Variants in CELA2B observed in about 807,000 individuals in gnomAD.
The protein encoded by CELA2B is chymotrypsin-like elastase family member 2B.
CELA2B carries 27 observed loss-of-function variants against 36.5 expected under a neutral mutation model. The ratio of observed to expected loss-of-function variants is 0.74; its 90% CI spans 0.55 to 1.02. The LOEUF (loss-of-function observed/expected upper bound fraction) is 1.02, where lower values mean the gene tolerates loss of function less well. Ranked by LOEUF, CELA2B falls within the 50% of genes least tolerant of loss-of-function variation. The pLI is 0.00. For synonymous variants in CELA2B, 143 were observed against 148.5 expected, an observed-to-expected ratio of 0.96 and a Z score of 0.27; for missense variants, 340 against 347.8, an observed-to-expected ratio of 0.98 and a Z score of 0.18.
rs755214764 is a variant in CELA2B, at chr1:15,487,305, G to T, written c.660G>T (p.Leu220=). 22 of 1,614,200 alleles carry T rather than the reference G, an allele frequency of 1.4e-5. No individual in the cohort carries two copies. In the South Asian group the frequency reaches 2.3e-4, roughly 17 times the overall value. The change falls in exon 7 of 8, where the codon CTG becomes CTT. Residue 220 remains leucine (L), a synonymous_variant. Transcript: ENST00000375910. ...CTCAGGGAGACTCCGGTGGGCCGCT[G>T]AACTGTCAGGCATCTGACGGCCGGT... The part of the protein sequence containing the change: ...CTCNGDSGGP[L]NCQASDGRWE...
chr1:15,480,898 AT>A lies in CELA2B; in HGVS notation c.130-186del, dbSNP rs79727774. Among the ~76,000 whole-genome samples, 908 of 145,124 alleles carry A rather than the reference AT, an allele frequency of 6.3e-3. 2 individuals are homozygous for A. Among genetic ancestry groups the A allele is most frequent in the Non-Finnish European group, 8.2e-3 (536 of 65,766 alleles). ...GGCATGAGCCACCATGCCTGGCCTG[AT>A]TTTTTTTTTTTTTACTATAGATTGC... On this transcript the variant is annotated intron_variant, in intron 2 of 7. Transcript: ENST00000375910.
intron 5 of CELA2B, among the ~76,000 whole-genome samples, 187 bp downstream of exon 5, chr1:15,483,587 G>A (rs1708769364): frequency 2.0e-5 from 3 of 152,190 alleles, no homozygotes; most frequent in African/African-American, 7.2e-5. Context: ...GTGACACCTT[G>A]GACACATTAC....
intron 4 of CELA2B, among the ~76,000 whole-genome samples, chr1:15,482,636 G>A (rs1313264216): frequency 1.3e-5 from 2 of 152,118 alleles, no homozygotes; most frequent in South Asian, 2.1e-4. Context: ...AGCCTGCAGG[G>A]CCCCTGTCCG....
chr1:15,489,986 G>T (rs1243547519), intron 7 of CELA2B, among the ~76,000 whole-genome samples: 11 of 151,988 alleles, frequency 7.2e-5, no homozygotes, highest in Admixed American at 4.6e-4. Flanking sequence ...CAATTCTCCT[G>T]CCTCAGCCTC....
intron 2 of CELA2B, among the ~76,000 whole-genome samples, chr1:15,479,820 T>A (rs190585147): frequency 5.9e-5 from 9 of 152,130 alleles, no homozygotes; most frequent in Non-Finnish European, 1.3e-4. Context: ...TGCAAGAATA[T>A]TCCAGGGAGG....
At chr1:15,486,880 G>A (rs1412951134) in intron 6 of CELA2B, among the ~76,000 whole-genome samples, 1 of 152,186 alleles carries the variant, frequency 6.6e-6, no homozygotes, top group African/African-American at 2.4e-5. Context: ...TGCCCACATA[G>A]ACCACCTGCG....
At chr1:15,476,937 G>A (rs1708681134) in intron 2 of CELA2B, among the ~76,000 whole-genome samples, 2 of 152,088 alleles carry the variant, frequency 1.3e-5, no homozygotes, top group African/African-American at 2.4e-5. Flanking sequence ...AGCTGAGATC[G>A]CACCACTACA....
chr1:15,485,799 A>G, intron 5 of CELA2B, 102 bp from the exon 6 acceptor site: 1 of 1,401,236 alleles, frequency 7.1e-7, no homozygotes, highest in Admixed American at 1.8e-5. Context: ...CCATGTTGCA[A>G]TGGATGGAAG....
chr1:15,482,941 A>AC (rs34847492), intron 4 of CELA2B, among the ~76,000 whole-genome samples: 81,483 of 151,688 alleles, frequency 0.54, 22,905 homozygotes, highest in African/African-American at 0.71. Flanking sequence ...GCCCACCACC[A>AC]CAGGCCCGGC....
chr1:15,481,742 T>C (rs1267103702), intron 3 of CELA2B: 1 of 469,726 alleles, frequency 2.1e-6, no homozygotes, highest in Non-Finnish European at 4.4e-6. Context: ...CACCGGAGTT[T>C]CTGCCGGGTC....
At chr1:15,478,213 TATATTGGG>T (rs139950987) in intron 2 of CELA2B, among the ~76,000 whole-genome samples, 1,197 of 104,290 alleles carry the variant, frequency 0.011, 40 homozygotes, top group Admixed American at 0.051. Flanking sequence ...TATATATATA[TATATTGGG>T]ATATATAGTT....
At chr1:15,482,163 A>T (rs543444102) in intron 3 of CELA2B, 102 bp from the exon 4 acceptor site, 17 of 1,452,672 alleles carry the variant, frequency 1.2e-5, no homozygotes, top group East Asian at 1.1e-4. Context: ...CCAAGTGCCA[A>T]CTAGTGGCTC....
intron 2 of CELA2B, among the ~76,000 whole-genome samples, chr1:15,479,734 TCA>T (rs1343245771): frequency 6.6e-6 from 1 of 152,092 alleles, no homozygotes. Context: ...GATAGCGTGG[TCA>T]CAGAAGGCCT....
intron 7 of CELA2B, among the ~76,000 whole-genome samples, chr1:15,489,431 A>T (rs1557527864): frequency 6.6e-6 from 1 of 152,126 alleles, no homozygotes; most frequent in Admixed American, 6.6e-5. Flanking sequence ...CAGAAGGGGG[A>T]GAGCCAAGCA....
intron 3 of CELA2B, 33 bp downstream of exon 3, chr1:15,481,228 C>T (rs370530919): frequency 1.6e-5 from 26 of 1,612,922 alleles, no homozygotes; most frequent in Non-Finnish European, 1.8e-5. Flanking sequence ...TTGGCCTGCT[C>T]ACCAGCCGGT....
At position 15,487,115 on chromosome 1, in the gene CELA2B, A is replaced by T. The variant is rs6677378; in HGVS notation, c.640-170A>T. On this transcript the variant is annotated intron_variant, in intron 6 of 7. Transcript: ENST00000375910. ...GCTTAGCTCAGCTCTAAGGAAGAAT[A>T]AGTGTTGGCTCTTGTTGGAATTATG... Among the ~76,000 whole-genome samples the T allele has an allele frequency of 4.8e-3, 733 of 152,370 alleles. 6 individuals are homozygous for T. Among genetic ancestry groups the T allele is most frequent in the East Asian group, 0.022 (115 of 5,192 alleles).
chr1:15,482,725 G>A (rs1158453802), intron 4 of CELA2B, among the ~76,000 whole-genome samples: 1 of 152,122 alleles, frequency 6.6e-6, no homozygotes, highest in Non-Finnish European at 1.5e-5. Context: ...CCCTGGAGTA[G>A]GACACAATCT....
rs765874325 is a variant in CELA2B, at chr1:15,482,320, T to A, written c.283T>A (p.Ser95Thr). 1.9e-6 allele frequency: 3 copies of A among 1,613,796 alleles called. No homozygotes were observed. The highest frequency in any genetic ancestry group is 2.5e-6 in the Non-Finnish European group (3 of 1,179,992). ...CCAGCATAACCTCTACGTTGCAGAG[T>A]CCGGCTCGCTGGCCGTCAGTGTCTC... is the stretch of plus-strand genomic sequence containing the variant. ...LGQHNLYVAE[S>T]GSLAVSVSKI... Residue 95 changes from serine to threonine, a missense_variant, in exon 4 of 8, where the codon TCC becomes ACC. Transcript: ENST00000375910.
At chr1:15,490,220 ATATC>A (rs3060903) in intron 7 of CELA2B, among the ~76,000 whole-genome samples, 3,346 of 148,594 alleles carry the variant, frequency 0.023, 56 homozygotes, top group South Asian at 0.053. Context: ...CTTTATGTGC[ATATC>A]TATCTATCTA....
Sources: gnomAD v4.1 joint callset for allele counts (sites outside exome capture counted in the v4.1 genomes callset) on GRCh38, gnomAD v4.1.1 for gene constraint, MANE v1.5 for transcripts, NCBI Gene and HGNC (gene_info 2026-07-23, HGNC 2026-07-21) for gene names.